The following EPB41L4B variants were observed in gnomAD, a reference collection of about 807,000 sequenced individuals.
EPB41L4B encodes band 4.1-like protein 4B.
Under a neutral mutation model 112.5 loss-of-function variants are expected in EPB41L4B, and 30 were observed. That is an observed-to-expected ratio of 0.27 (90% confidence interval 0.20 to 0.36). The LOEUF (loss-of-function observed/expected upper bound fraction) is 0.36. EPB41L4B is among the 10% of genes least tolerant of loss of function. The pLI, the probability that EPB41L4B is intolerant of heterozygous loss-of-function variation, is 1.00. For missense variants in EPB41L4B, 1,024 were observed against 1,133.3 expected (o/e 0.90, Z 1.38); for synonymous variants, 408 against 439.7 (o/e 0.93, Z 0.90).
At chr9:109,284,268 A>C (rs1836184408) in intron 1 of EPB41L4B, among the ~76,000 whole-genome samples, 1 of 152,228 alleles carries the variant, frequency 6.6e-6, no homozygotes, top group African/African-American at 2.4e-5. Flanking sequence ...GAATGCTTGC[A>C]TGGGTACCCA....
intron 23 of EPB41L4B, 91 bp from the exon 24 acceptor site, chr9:109,182,888 A>C (rs1333028483): frequency 1.5e-5 from 13 of 879,136 alleles, no homozygotes; most frequent in Non-Finnish European, 2.1e-5. Flanking sequence ...ATGGAACCAA[A>C]GGATTCAGGG....
intron 15 of EPB41L4B, among the ~76,000 whole-genome samples, chr9:109,225,598 C>A (rs1833735331): frequency 6.6e-6 from 1 of 152,226 alleles, no homozygotes. Flanking sequence ...CAGGTCCTTT[C>A]CACAACACTT....
chr9:109,258,689 C>T (rs1187901619), intron 6 of EPB41L4B, among the ~76,000 whole-genome samples: 2 of 152,138 alleles, frequency 1.3e-5, no homozygotes, highest in Non-Finnish European at 2.9e-5. Context: ...AAGAGTAGGT[C>T]AGAGCAGCAC....
Position 109,192,372 on chromosome 9 carries a change from A to T in EPB41L4B, c.2224-17T>A. On this transcript the variant is annotated splice_polypyrimidine_tract_variant and intron_variant, in intron 21 of 25. Transcript: ENST00000374566. ...AGAGGGGCTCTAGGGAGACAGACAA[A>T]CACCCCTGGTTAGAGACGGCACTGC... 3.8e-6 allele frequency: 6 copies of T among 1,587,482 alleles called. No individual in the cohort carries two copies. Among genetic ancestry groups the T allele is most frequent in the Non-Finnish European group, 5.1e-6 (6 of 1,168,834 alleles).
chr9:109,199,694 G>C (rs1832757874), intron 20 of EPB41L4B, among the ~76,000 whole-genome samples: 1 of 152,158 alleles, frequency 6.6e-6, no homozygotes, highest in South Asian at 2.1e-4. Context: ...TGGGATGTCA[G>C]TTCTGTGCGT....
intron 19 of EPB41L4B, among the ~76,000 whole-genome samples, chr9:109,201,728 C>T (rs192179729): frequency 2.0e-5 from 3 of 152,052 alleles, no homozygotes; most frequent in South Asian, 2.1e-4. Context: ...CCTGGCTGAA[C>T]GCAGGGCACT....
At chr9:109,294,147 T>C (rs1278780597) in intron 1 of EPB41L4B, among the ~76,000 whole-genome samples, 1 of 150,012 alleles carries the variant, frequency 6.7e-6, no homozygotes, top group Non-Finnish European at 1.5e-5. Flanking sequence ...TCTACGAAAA[T>C]ACAAAAAAAT....
At chr9:109,304,647 A>G (rs180964008) in intron 1 of EPB41L4B, among the ~76,000 whole-genome samples, 5 of 152,298 alleles carry the variant, frequency 3.3e-5, no homozygotes, top group Admixed American at 2.0e-4. Context: ...TCAATCTCCT[A>G]TATAATGAGG....
At chr9:109,201,806 G>A (rs976110023) in intron 19 of EPB41L4B, among the ~76,000 whole-genome samples, 2 of 152,042 alleles carry the variant, frequency 1.3e-5, no homozygotes, top group Non-Finnish European at 2.9e-5. Context: ...AGTCGAGGCC[G>A]GGTCATATGG....
chr9:109,300,376 A>G (rs959622266), intron 1 of EPB41L4B: 9 of 152,202 alleles, frequency 5.9e-5, no homozygotes, highest in African/African-American at 1.9e-4. Flanking sequence ...ATTTTAGCGT[A>G]TTCATCAATT....
chr9:109,279,925 G>A lies in EPB41L4B; in HGVS notation c.307-4C>T. On this transcript the variant is annotated splice_region_variant and splice_polypyrimidine_tract_variant and intron_variant, in intron 1 of 25. Coordinates refer to ENST00000374566, the MANE Select transcript of EPB41L4B (RefSeq NM_019114.5). ...AATCCTGGCCTTTGGCATGTTTCTG[G>A]AAGACAATTGGGAAGATGAAAAAAC... is the stretch of plus-strand genomic sequence containing the variant. 1 of 1,612,148 alleles carries A rather than the reference G, an allele frequency of 6.2e-7. No individual in the cohort carries two copies. Among genetic ancestry groups the A allele is most frequent in the Non-Finnish European group, 8.5e-7 (1 of 1,179,042 alleles).
At chr9:109,234,072 A>G (rs1324692867) in intron 15 of EPB41L4B, among the ~76,000 whole-genome samples, 1 of 149,804 alleles carries the variant, frequency 6.7e-6, no homozygotes, top group East Asian at 2.0e-4. Flanking sequence ...TAAAACAGAA[A>G]TTCTGGATTT....
chr9:109,319,557 T>G (rs1442491427), intron 1 of EPB41L4B, among the ~76,000 whole-genome samples: 1 of 152,166 alleles, frequency 6.6e-6, no homozygotes, highest in Admixed American at 6.5e-5. Context: ...GGAATGGGAA[T>G]GGGGTGTATC....
intron 7 of EPB41L4B, among the ~76,000 whole-genome samples, chr9:109,256,998 T>A (rs1835007349): frequency 6.6e-6 from 1 of 152,156 alleles, no homozygotes; most frequent in Non-Finnish European, 1.5e-5. Context: ...ATATGATCAC[T>A]TAAGGAAACA....
chr9:109,229,201 A>G (rs749466640), intron 15 of EPB41L4B, among the ~76,000 whole-genome samples: 2 of 152,200 alleles, frequency 1.3e-5, no homozygotes, highest in Non-Finnish European at 2.9e-5. Flanking sequence ...GGATCTTGTT[A>G]CTTACACATT....
At chr9:109,223,953 A>G (rs1833678026) in intron 15 of EPB41L4B, among the ~76,000 whole-genome samples, 1 of 152,170 alleles carries the variant, frequency 6.6e-6, no homozygotes, top group African/African-American at 2.4e-5. Flanking sequence ...CAGGAAGTGA[A>G]GGTTGCAGTG....
chr9:109,250,590 T>C (rs1189441155), intron 13 of EPB41L4B, among the ~76,000 whole-genome samples: 1 of 152,160 alleles, frequency 6.6e-6, no homozygotes, highest in Non-Finnish European at 1.5e-5. Context: ...AGACAGGCAG[T>C]TGTTTCAGAG....
chr9:109,271,805 C>A (rs1366111625), intron 2 of EPB41L4B, among the ~76,000 whole-genome samples: 2 of 152,200 alleles, frequency 1.3e-5, no homozygotes, highest in Admixed American at 6.5e-5. Flanking sequence ...AATGGCAGGA[C>A]ATTTCACTCA....
At chr9:109,187,991 T>TAA (rs1832331151) in intron 22 of EPB41L4B, among the ~76,000 whole-genome samples, 1 of 152,214 alleles carries the variant, frequency 6.6e-6, no homozygotes, top group Non-Finnish European at 1.5e-5. Flanking sequence ...AATCAAAGGC[T>TAA]ATTTTGGAAT....
Sources: allele counts gnomAD v4.1 joint callset (sites outside exome capture counted in the v4.1 genomes callset), GRCh38; gene constraint gnomAD v4.1.1; transcripts MANE v1.5; gene names NCBI Gene and HGNC (gene_info 2026-07-23, HGNC 2026-07-21).